Variants in DGKB observed in about 807,000 individuals in gnomAD.
The protein encoded by DGKB is diacylglycerol kinase beta.
DGKB carries 67 observed loss-of-function variants against 114.3 expected under a neutral mutation model. That is an observed-to-expected ratio of 0.59 (90% CI 0.48 to 0.72). The LOEUF (loss-of-function observed/expected upper bound fraction) is 0.72. Among genes scored for constraint, DGKB ranks in the 30% least tolerant of loss-of-function variants. The pLI is 0.00. For missense variants in DGKB, 907 were observed against 975.2 expected (o/e 0.93, Z 0.93); for synonymous variants, 398 against 323.1 (o/e 1.23, Z -2.49).
intron 20 of DGKB, among the ~76,000 whole-genome samples, chr7:14,508,321 T>G (rs1296583531): frequency 6.6e-6 from 1 of 152,204 alleles, no homozygotes; most frequent in Non-Finnish European, 1.5e-5. Context: ...CTAGTAAACT[T>G]CATTATCAGG....
intron 20 of DGKB, among the ~76,000 whole-genome samples, chr7:14,569,374 A>T (rs549709575): frequency 6.6e-6 from 1 of 152,212 alleles, no homozygotes; most frequent in East Asian, 1.9e-4. Context: ...AATCATAAAC[A>T]TTCTATCACA....
At chr7:14,717,480 T>A (rs1828395189) in intron 6 of DGKB, among the ~76,000 whole-genome samples, 1 of 152,106 alleles carries the variant, frequency 6.6e-6, no homozygotes, top group South Asian at 2.1e-4. Context: ...ATATTGAACA[T>A]TTATGAATAA....
At chr7:14,935,767 T>C (rs1200436607) in intron 1 of DGKB, among the ~76,000 whole-genome samples, 3 of 152,112 alleles carry the variant, frequency 2.0e-5, no homozygotes, top group Non-Finnish European at 2.9e-5. Context: ...CTTTTCTCAC[T>C]CTGTCTTTCT....
chr7:14,897,349 C>G (rs941207861), intron 1 of DGKB, among the ~76,000 whole-genome samples: 1 of 151,916 alleles, frequency 6.6e-6, no homozygotes, highest in Admixed American at 6.6e-5. Context: ...CATCAACCAT[C>G]ACTTTACTCT....
At chr7:14,225,828 TATG>T (rs1022407800) in intron 23 of DGKB, among the ~76,000 whole-genome samples, 4 of 152,006 alleles carry the variant, frequency 2.6e-5, no homozygotes, top group African/African-American at 9.7e-5. Context: ...CAGTCAAATT[TATG>T]ATAATAAAAT....
chr7:14,172,568 C>T (rs1344819139), intron 25 of DGKB, among the ~76,000 whole-genome samples: 1 of 151,808 alleles, frequency 6.6e-6, no homozygotes, highest in Non-Finnish European at 1.5e-5. Context: ...CCAGGTGTTT[C>T]AATGGTTTCA....
chr7:14,233,477 T>G (rs1327334891), intron 23 of DGKB, among the ~76,000 whole-genome samples: 1 of 152,022 alleles, frequency 6.6e-6, no homozygotes, highest in Non-Finnish European at 1.5e-5. Context: ...GTAAAGTGGG[T>G]GTGATTGGGG....
chr7:14,544,750 T>A (rs2128627394), intron 20 of DGKB, among the ~76,000 whole-genome samples: 1 of 152,300 alleles, frequency 6.6e-6, no homozygotes, highest in South Asian at 2.1e-4. Context: ...TGACATGTTG[T>A]TTTTTGACAG....
chr7:14,607,530 G>GA (rs747303797), intron 16 of DGKB, 22 bp from the exon 17 acceptor site: 17 of 1,189,942 alleles, frequency 1.4e-5, no homozygotes, highest in African/African-American at 4.6e-5. Context: ...AAAATGTGGG[G>GA]AAAAAATTTA....
chr7:14,225,114 T>C (rs182062123), intron 23 of DGKB, among the ~76,000 whole-genome samples: 27 of 152,150 alleles, frequency 1.8e-4, no homozygotes, highest in Admixed American at 1.8e-3. Flanking sequence ...TTCACTGTTT[T>C]TGAAAGCACC....
chr7:14,899,071 T>A lies in DGKB; in HGVS notation c.-188+3521A>T, dbSNP rs1782566667. 2.6e-5 allele frequency among the ~76,000 whole-genome samples: 4 copies of A among 152,284 alleles called. No homozygotes were observed. The South Asian group carries it at 8.3e-4, about 32-fold the overall frequency. ...CTCTACGCCCATAACATTTTCACTT[T>A]ATTCTTTGTTAGTGTTTGTCTTCTG... On this transcript the variant is annotated intron_variant, in intron 1 of 25. Transcript: ENST00000402815.
intron 2 of DGKB, among the ~76,000 whole-genome samples, chr7:14,836,700 A>T (rs1847215346): frequency 6.6e-6 from 1 of 152,220 alleles, no homozygotes; most frequent in South Asian, 2.1e-4. Flanking sequence ...TATCAAGGGA[A>T]ATGCTTCCCA....
chr7:14,870,012 T>C (rs1484727674), intron 1 of DGKB, among the ~76,000 whole-genome samples: 1 of 152,206 alleles, frequency 6.6e-6, no homozygotes, highest in Non-Finnish European at 1.5e-5. Context: ...GTTTTTTCTA[T>C]CAACATGTTA....
intron 23 of DGKB, among the ~76,000 whole-genome samples, chr7:14,305,527 G>A (rs1205591124): frequency 6.6e-6 from 1 of 152,136 alleles, no homozygotes; most frequent in East Asian, 1.9e-4. Context: ...ACTCTCTAAT[G>A]TACATGGATA....
chr7:14,252,886 A>G (rs10235178), intron 23 of DGKB, among the ~76,000 whole-genome samples: 57,948 of 151,878 alleles, frequency 0.38, 11,355 homozygotes, highest in African/African-American at 0.48. Flanking sequence ...TGGACAAACT[A>G]GTGTTGCGTG....
intron 23 of DGKB, among the ~76,000 whole-genome samples, chr7:14,183,998 C>G (rs1783018412): frequency 6.6e-6 from 1 of 152,206 alleles, no homozygotes; most frequent in Non-Finnish European, 1.5e-5. Context: ...GGGAGACCCT[C>G]CTCTCCCCAT....
At chr7:14,918,680 T>C (rs1055242015) in intron 1 of DGKB, among the ~76,000 whole-genome samples, 1 of 152,198 alleles carries the variant, frequency 6.6e-6, no homozygotes, top group Non-Finnish European at 1.5e-5. Flanking sequence ...GATGTCAATA[T>C]TGATCTATAT....
At chr7:14,254,554 T>C (rs549655153) in intron 23 of DGKB, among the ~76,000 whole-genome samples, 1 of 152,164 alleles carries the variant, frequency 6.6e-6, no homozygotes, top group African/African-American at 2.4e-5. Context: ...AGTTTAACCA[T>C]ATGCATGTTA....
chr7:14,531,811 G>C (rs1205332922), intron 20 of DGKB, among the ~76,000 whole-genome samples: 3 of 151,232 alleles, frequency 2.0e-5, no homozygotes, highest in East Asian at 1.9e-4. Context: ...AATCAGGATT[G>C]TGGTATTGGT....
Sources: gnomAD v4.1 joint callset for allele counts (sites outside exome capture counted in the v4.1 genomes callset) on GRCh38, gnomAD v4.1.1 for gene constraint, MANE v1.5 for transcripts, NCBI Gene and HGNC (gene_info 2026-07-23, HGNC 2026-07-21) for gene names.